PCNT: variants seen among roughly 807,000 people sequenced by gnomAD.
PCNT encodes pericentrin.
PCNT carries 319 observed loss-of-function variants against 380.4 expected under a neutral mutation model. That is an observed-to-expected ratio of 0.84 (90% CI 0.77 to 0.92). The LOEUF is 0.92. Ranked by LOEUF, PCNT falls within the 40% of genes least tolerant of loss-of-function variation. PCNT has a pLI of 0.00. For synonymous variants in PCNT, 1,845 were observed against 1,735.2 expected, an observed-to-expected ratio of 1.06 and a Z score of -1.57; for missense variants, 4,400 against 4,255.3, an observed-to-expected ratio of 1.03 and a Z score of -0.95.
At chr21:46,393,952 C>T (rs112062908) in intron 21 of PCNT, among the ~76,000 whole-genome samples, 33 of 152,336 alleles carry the variant, frequency 2.2e-4, no homozygotes, top group African/African-American at 6.3e-4. Flanking sequence ...CCTGGCATGC[C>T]GGGAGTGGAT....
intron 6 of PCNT, among the ~76,000 whole-genome samples, chr21:46,348,611 C>T (rs2084158779): frequency 6.6e-6 from 1 of 152,104 alleles, no homozygotes; most frequent in Non-Finnish European, 1.5e-5. Context: ...GGGGCCATGA[C>T]TGCCCATTCT....
chr21:46,433,344 C>T lies in PCNT; in HGVS notation c.8751+1129C>T, dbSNP rs564676520. Among the ~76,000 whole-genome samples the T allele has an allele frequency of 1.5e-4, 23 of 152,380 alleles. No homozygotes were observed. The South Asian group carries it at 3.3e-3, about 22-fold the overall frequency. Reference sequence around the variant, plus strand: ...GTTGCAGTGAGCCGGGATTGCACCGCTGCACTTCAGCCTGGGCAACAAGAG... The same window carrying T: ...GTTGCAGTGAGCCGGGATTGCACCGTTGCACTTCAGCCTGGGCAACAAGAG... On this transcript the variant is annotated intron_variant, in intron 38 of 46. Transcript: ENST00000359568.
At chr21:46,329,187 G>A (rs1171372471) in intron 2 of PCNT, among the ~76,000 whole-genome samples, 2 of 152,240 alleles carry the variant, frequency 1.3e-5, no homozygotes, top group African/African-American at 4.8e-5. Context: ...TTTGGAGACT[G>A]ATGGGTCGTT....
intron 2 of PCNT, among the ~76,000 whole-genome samples, chr21:46,328,006 T>C (rs1215352571): frequency 6.6e-6 from 1 of 152,176 alleles, no homozygotes; most frequent in Non-Finnish European, 1.5e-5. Context: ...GTATGAATTA[T>C]GAACGAGGGC....
chr21:46,341,354 TG>T (rs1453026791), intron 3 of PCNT, among the ~76,000 whole-genome samples: 1 of 152,026 alleles, frequency 6.6e-6, no homozygotes, highest in Non-Finnish European at 1.5e-5. Flanking sequence ...TCTTTTTTAG[TG>T]AGGTGTTTGT....
rs112223870 is a variant in PCNT, at chr21:46,379,133, C to T, written c.3166-2561C>T. ...TTTTTGTGGGAATGTCTTAATTTCT[C>T]CTTCATCCTTGAGAGATCATTTCCT... On this transcript the variant is annotated intron_variant, in intron 15 of 46. Transcript: ENST00000359568. 6.4e-3 allele frequency among the ~76,000 whole-genome samples: 973 copies of T among 152,306 alleles called. 8 individuals carry two copies. Among genetic ancestry groups the T allele is most frequent in the Non-Finnish European group, 0.01 (681 of 68,038 alleles).
rs59894003 is a variant in PCNT at position 46,353,751 on chromosome 21, T to TGTGTGA, written c.1680-235_1680-234insTGTGAG. ...GTGTGTGTGTGTGTGTGTGTGTGTG[T>TGTGTGA]GAGAGAGACAGAGAGAGAGTCAGTG... On this transcript the variant is annotated intron_variant, in intron 10 of 46. Coordinates refer to ENST00000359568, the MANE Select transcript of PCNT (RefSeq NM_006031.6). Among the ~76,000 whole-genome samples the TGTGTGA allele has an allele frequency of 0.13, 13,556 of 104,214 alleles. 702 individuals are homozygous for TGTGTGA. Among genetic ancestry groups the TGTGTGA allele is most frequent in the South Asian group, 0.18 (627 of 3,578 alleles). The allele number at this position is 104,214 out of a possible 152,430, so 68.4% of individuals were successfully genotyped here. A position where few individuals can be genotyped will look rare whatever the true frequency, so the allele number is the denominator to read the frequency against.
At chr21:46,434,845 C>T (rs1449066923) in intron 38 of PCNT, among the ~76,000 whole-genome samples, 1 of 152,198 alleles carries the variant, frequency 6.6e-6, no homozygotes, top group Non-Finnish European at 1.5e-5. Context: ...AGCGTCTGGG[C>T]GTGTGCGTGT....
At chr21:46,430,866 C>T (rs957745554) in intron 37 of PCNT, 20 of 985,298 alleles carry the variant, frequency 2.0e-5, no homozygotes, top group African/African-American at 1.7e-4. Context: ...TGCGATGACC[C>T]GTGGTGGCAC....
chr21:46,377,371 C>CA (rs1447327833), intron 15 of PCNT, among the ~76,000 whole-genome samples: 3 of 152,208 alleles, frequency 2.0e-5, no homozygotes, highest in Admixed American at 6.5e-5. Context: ...TAAGTAGATA[C>CA]AAAAAACTTA....
intron 2 of PCNT, among the ~76,000 whole-genome samples, chr21:46,326,833 G>A (rs2083409926): frequency 6.6e-6 from 1 of 152,014 alleles, no homozygotes; most frequent in African/African-American, 2.4e-5. Flanking sequence ...GGCCAACATG[G>A]AGAAACCCTG....
chr21:46,408,140 G>T (rs1045719951), intron 27 of PCNT, among the ~76,000 whole-genome samples: 1 of 152,078 alleles, frequency 6.6e-6, no homozygotes, highest in African/African-American at 2.4e-5. Flanking sequence ...CTGTTTCTTT[G>T]TGGCCACCCA....
chr21:46,427,783 C>A lies in PCNT; in HGVS notation c.7482C>A (p.Ile2494=), dbSNP rs761313913. The stretch of plus-strand genomic sequence containing the variant: ...CCCTGCTCGAAAGGCTGGAGAAGAT[C>A]ATCCGTGAGCAGGTGAGTGTCAGCT... ...HSSLLERLEK[I]IREQGDLQEK... The change falls in exon 34 of 47, where the codon ATC becomes ATA. Residue 2494 remains isoleucine, a synonymous_variant. Coordinates refer to ENST00000359568, the MANE Select transcript of PCNT (RefSeq NM_006031.6). The A allele has an allele frequency of 6.2e-7, 1 of 1,613,464 alleles. No homozygotes were observed.
chr21:46,442,461 G>T, intron 43 of PCNT, 36 bp from the exon 44 acceptor site: 1 of 1,336,336 alleles, frequency 7.5e-7, no homozygotes, highest in Non-Finnish European at 1.1e-6. Flanking sequence ...CTGTCTTGCC[G>T]TACTTTTAAG....
At chr21:46,368,118 C>T (rs1363114083) in intron 15 of PCNT, among the ~76,000 whole-genome samples, 1 of 152,110 alleles carries the variant, frequency 6.6e-6, no homozygotes, top group Non-Finnish European at 1.5e-5. Flanking sequence ...GACTGTGCCA[C>T]TGCACTCCAG....
At chr21:46,377,228 C>T (rs2147084322) in intron 15 of PCNT, among the ~76,000 whole-genome samples, 2 of 152,338 alleles carry the variant, frequency 1.3e-5, no homozygotes, top group Middle Eastern at 6.8e-3. Flanking sequence ...AGCCCCAGCC[C>T]TCAGCCCTCC....
intron 21 of PCNT, among the ~76,000 whole-genome samples, chr21:46,394,212 C>T (rs1343343120): frequency 6.6e-6 from 1 of 152,236 alleles, no homozygotes; most frequent in Non-Finnish European, 1.5e-5. Context: ...TGGTGTGCAG[C>T]GGCCCTGCCT....
chr21:46,388,596 C>T lies in PCNT; in HGVS notation c.3465-146C>T, dbSNP rs1250462889. Reference sequence around the variant, plus strand: ...CCTCAGCTTCCTGTGCTCACATGGGCATGAGGATCATGTCTTCCGGCCCCG... The same window carrying T: ...CCTCAGCTTCCTGTGCTCACATGGGTATGAGGATCATGTCTTCCGGCCCCG... On this transcript the variant is annotated intron_variant, in intron 17 of 46. Coordinates refer to ENST00000359568, the MANE Select transcript of PCNT (RefSeq NM_006031.6). This position sits in a 1 kb window ranked among gnomAD's most constrained non-coding sequence, Gnocchi z 4.2. The T allele has an allele frequency of 4.0e-6, 4 of 990,864 alleles. No homozygotes were observed. The highest frequency in any genetic ancestry group is 6.3e-6 in the Non-Finnish European group (4 of 636,350). 61.4% of individuals were successfully genotyped at this position (990,864 alleles called of 1,614,324 possible). A position where few individuals can be genotyped will look rare whatever the true frequency, so the allele number is the denominator to read the frequency against.
intron 32 of PCNT, among the ~76,000 whole-genome samples, chr21:46,422,534 C>T (rs1352464147): frequency 6.6e-6 from 1 of 152,200 alleles, no homozygotes; most frequent in Non-Finnish European, 1.5e-5. Flanking sequence ...AGCCACTCAG[C>T]CTCCTTGGAA....
Sources: allele counts gnomAD v4.1 joint callset (sites outside exome capture counted in the v4.1 genomes callset), GRCh38; gene constraint gnomAD v4.1.1; non-coding constraint Gnocchi (gnomAD v3.1); transcripts MANE v1.5; gene names NCBI Gene and HGNC (gene_info 2026-07-23, HGNC 2026-07-21).